Variants in CCNB1 observed in about 807,000 individuals in gnomAD.
CCNB1 encodes the protein G2/mitotic-specific cyclin-B1.
A neutral mutation model predicts 44.4 loss-of-function variants in CCNB1; 26 were observed. The ratio of observed to expected loss-of-function variants is 0.59; its 90% confidence interval spans 0.43 to 0.81. CCNB1 has a LOEUF of 0.81. CCNB1 is among the 40% of genes least tolerant of loss of function. CCNB1 has a pLI of 0.00. For missense variants in CCNB1, 477 were observed against 520.9 expected (o/e 0.92, Z 0.82); for synonymous variants, 195 against 181.4 (o/e 1.08, Z -0.60).
chr5:69,167,342 GCCT>G (rs1320626285), intron 1 of CCNB1, 59 bp downstream of exon 1: 1 of 1,587,158 alleles, frequency 6.3e-7, no homozygotes, highest in Non-Finnish European at 8.6e-7. Context: ...TGCTCTCCCT[GCCT>G]CGCCTGCGGG....
At chr5:69,173,600 A>G (rs1336173435) in intron 4 of CCNB1, among the ~76,000 whole-genome samples, 4 of 152,172 alleles carry the variant, frequency 2.6e-5, no homozygotes, top group African/African-American at 7.2e-5. Flanking sequence ...TTTTCTCTAC[A>G]TAAAGCTCAG....
At position 69,177,732 on chromosome 5, in the gene CCNB1, C is replaced by T. The variant is rs1747629195; in HGVS notation, c.*101C>T. The T allele has an allele frequency of 1.4e-6, 1 of 709,084 alleles. No individual in the cohort carries two copies. The highest frequency in any genetic ancestry group is 2.9e-5 in the Admixed American group (1 of 34,776). 43.9% of individuals were successfully genotyped at this position (709,084 alleles called of 1,614,324 possible). The stretch of plus-strand genomic sequence containing the variant: ...CATTTACTTTTAATAAAGCTTGTGG[C>T]CCCTTTTACTTTTTTATAGCTTAAC... On this transcript the variant is annotated 3_prime_UTR_variant, in exon 9 of 9. Coordinates refer to ENST00000256442, the MANE Select transcript of CCNB1 (RefSeq NM_031966.4).
At position 69,177,305 on chromosome 5, in the gene CCNB1, G is replaced by T. The variant is rs892868254; in HGVS notation, c.1150G>T (p.Ala384Ser). 4 of 1,613,184 alleles carry T rather than the reference G, an allele frequency of 2.5e-6. No individual in the cohort carries two copies. Among genetic ancestry groups the T allele is most frequent in the Non-Finnish European group, 3.4e-6 (4 of 1,179,244 alleles). ...TCTTCTTCCAGTTATGCAGCACCTG[G>T]CTAAGAATGTAGTCATGGTAAATCA... The part of the protein sequence containing the change: ...ESLLPVMQHL[A>S]KNVVMVNQGL... Residue 384 changes from alanine (A) to serine (S), a missense_variant, in exon 8 of 9, where the codon GCT becomes TCT. Transcript: ENST00000256442.
At chr5:69,175,259 A>G (rs1747558308) in intron 6 of CCNB1, 138 bp from the exon 7 acceptor site, 2 of 1,040,382 alleles carry the variant, frequency 1.9e-6, no homozygotes, top group Admixed American at 4.3e-5. Context: ...GTCAGGCTGC[A>G]TGTTAATATT....
At position 69,167,404 on chromosome 5, in the gene CCNB1, G is replaced by T. The variant is rs544840309; in HGVS notation, c.21+121G>T. ...GCAGGAGCGATTTGGGGAGGAAGGT[G>T]GGAGGGGACTCACCAAGAGAGCGCC... On this transcript the variant is annotated intron_variant, in intron 1 of 8. Coordinates refer to ENST00000256442, the MANE Select transcript of CCNB1 (RefSeq NM_031966.4). The T allele has an allele frequency of 1.7e-5, 19 of 1,134,028 alleles. No individual in the cohort carries two copies. In the African/African-American group the frequency reaches 2.9e-4, roughly 17 times the overall value. The allele number at this position is 1,134,028 out of a possible 1,614,324, so 70.2% of individuals were successfully genotyped here. A position where few individuals can be genotyped will look rare whatever the true frequency, so the allele number is the denominator to read the frequency against.
intron 4 of CCNB1, 150 bp downstream of exon 4, chr5:69,171,602 A>G: frequency 1.7e-6 from 1 of 603,114 alleles, no homozygotes; most frequent in Non-Finnish European, 2.8e-6. Context: ...TACCTATAAT[A>G]AAAAGTCACT....
chr5:69,170,303 A>G (rs770626619), intron 3 of CCNB1, among the ~76,000 whole-genome samples: 32 of 152,256 alleles, frequency 2.1e-4, no homozygotes, highest in Middle Eastern at 3.4e-3. Context: ...TTTGTCTACT[A>G]AATTCAGAGT....
chr5:69,174,818 C>T lies in CCNB1; in HGVS notation c.706-59C>T. 7.5e-6 allele frequency: 10 copies of T among 1,331,054 alleles called. No homozygotes were observed. The East Asian group carries it at 2.1e-4, about 28-fold the overall frequency. 82.5% of individuals were successfully genotyped at this position (1,331,054 alleles called of 1,614,324 possible). A position where few individuals can be genotyped will look rare whatever the true frequency, so the allele number is the denominator to read the frequency against. On this transcript the variant is annotated intron_variant, in intron 5 of 8. Coordinates refer to ENST00000256442, the MANE Select transcript of CCNB1 (RefSeq NM_031966.4). ...GAATGTCTTTCTACCTCTCCTTCAT[C>T]ATAGCTCTGTGTCTCCTTTTCAAAC...
At chr5:69,173,560 G>A (rs1747509506) in intron 4 of CCNB1, among the ~76,000 whole-genome samples, 2 of 152,122 alleles carry the variant, frequency 1.3e-5, no homozygotes, top group African/African-American at 4.8e-5. Flanking sequence ...TGTAGTACAT[G>A]GGTTCCAGCT....
chr5:69,177,504 GCTAT>G lies in CCNB1; in HGVS notation c.1195-17_1195-14del, dbSNP rs1747622807. The G allele has an allele frequency of 9.8e-6, 15 of 1,533,760 alleles. No homozygotes were observed. The highest frequency in any genetic ancestry group is 4.5e-5 in the East Asian group (2 of 44,334). ...TTTTTTTTCTTTTGCCTCTTTAATT[GCTAT>G]CTTTTTGTCTTCCAGACTGTCAAGA... On this transcript the variant is annotated splice_polypyrimidine_tract_variant and intron_variant, in intron 8 of 8. Transcript: ENST00000256442.
rs762338775 is a variant in CCNB1 at position 69,167,963 on chromosome 5, G to C, written c.77G>C (p.Arg26Pro). The C allele has an allele frequency of 3.7e-6, 6 of 1,614,018 alleles. No homozygotes were observed. The highest frequency in any genetic ancestry group is 5.1e-6 in the Non-Finnish European group (6 of 1,180,002). Reference sequence around the variant, plus strand: ...AAGATCAACATGGCAGGCGCAAAGCGCGTTCCTACGGCCCCTGCTGCAACC... The same window carrying C: ...AAGATCAACATGGCAGGCGCAAAGCCCGTTCCTACGGCCCCTGCTGCAACC... ...KAKINMAGAK[R>P]VPTAPAATSK... Residue 26 changes from arginine to proline, a missense_variant, in exon 2 of 9, where the codon CGC (arginine) becomes CCC (proline). By Grantham distance (103) the Arg-to-Pro change is moderately radical. Coordinates refer to ENST00000256442, the MANE Select transcript of CCNB1 (RefSeq NM_031966.4).
chr5:69,171,999 A>T lies in CCNB1; in HGVS notation c.546+547A>T, dbSNP rs549566478. On this transcript the variant is annotated intron_variant, in intron 4 of 8. Transcript: ENST00000256442. The stretch of plus-strand genomic sequence containing the variant: ...TAATGGCATTTGCCCTTTCCCTACA[A>T]ATACAAGCACTCTTTATGGCAGCAT... Among the ~76,000 whole-genome samples the T allele has an allele frequency of 7.9e-5, 12 of 152,204 alleles. No homozygotes were observed. In the South Asian group the frequency reaches 2.5e-3, roughly 32 times the overall value.
intron 3 of CCNB1, among the ~76,000 whole-genome samples, chr5:69,169,891 C>T (rs1747421361): frequency 6.6e-6 from 1 of 151,912 alleles, no homozygotes; most frequent in Non-Finnish European, 1.5e-5. Context: ...ATCTCGTGAT[C>T]CACCCGCCTC....
At chr5:69,174,770 G>GACAT in intron 5 of CCNB1, 107 bp from the exon 6 acceptor site, 1 of 770,274 alleles carries the variant, frequency 1.3e-6, no homozygotes, top group South Asian at 1.7e-5. Context: ...GGGATATGGT[G>GACAT]TCATTAAGAT....
At chr5:69,176,619 C>G (rs1747600484) in intron 7 of CCNB1, among the ~76,000 whole-genome samples, 2 of 151,248 alleles carry the variant, frequency 1.3e-5, no homozygotes, top group Non-Finnish European at 1.5e-5. Flanking sequence ...ATCCGCCCAC[C>G]TTGGCCTCCC....
chr5:69,171,302 A>G lies in CCNB1; in HGVS notation c.396A>G (p.Thr132=). The stretch of plus-strand genomic sequence containing the variant: ...CTGCCTCTCCAAGCCCAATGGAAAC[A>G]TCTGGATGTGCCCCTGCAGAAGAAG... The part of the protein sequence containing the change: ...VDTASPSPME[T]SGCAPAEEDL... The change falls in exon 4 of 9, where the codon ACA becomes ACG. Residue 132 remains threonine, a synonymous_variant. Transcript: ENST00000256442. 1 of 1,612,590 alleles carries G rather than the reference A, an allele frequency of 6.2e-7. No individual in the cohort carries two copies. Among genetic ancestry groups the G allele is most frequent in the Non-Finnish European group, 8.5e-7 (1 of 1,179,718 alleles).
chr5:69,167,417 C>T (rs1747359298), intron 1 of CCNB1, 134 bp downstream of exon 1: 1 of 957,170 alleles, frequency 1.0e-6, no homozygotes, highest in South Asian at 1.4e-5. Context: ...AGGGGACTCA[C>T]CAAGAGAGCG....
chr5:69,174,762 G>T (rs564096497), intron 5 of CCNB1, 115 bp from the exon 6 acceptor site: 2 of 756,824 alleles, frequency 2.6e-6, no homozygotes, highest in African/African-American at 5.4e-5. Flanking sequence ...TTTCTTGGGG[G>T]ATATGGTGTC....
chr5:69,175,661 A>T (rs1049000383), intron 7 of CCNB1, 124 bp downstream of exon 7: 4 of 900,456 alleles, frequency 4.4e-6, no homozygotes, highest in East Asian at 2.5e-5. Context: ...AGGAATAGTT[A>T]AAAAAGATGT....
Sources: allele counts gnomAD v4.1 joint callset (sites outside exome capture counted in the v4.1 genomes callset), GRCh38; gene constraint gnomAD v4.1.1; transcripts MANE v1.5; gene names NCBI Gene and HGNC (gene_info 2026-07-23, HGNC 2026-07-21).